Variants in CNBD1 observed in about 807,000 individuals in gnomAD.
CNBD1 encodes the protein cyclic nucleotide binding domain containing 1.
CNBD1 carries 71 observed loss-of-function variants against 54.4 expected under a neutral mutation model. The observed-to-expected ratio is 1.30, with a 90% confidence interval of 1.08 to 1.59. CNBD1 has a LOEUF of 1.59. Among genes scored for constraint, CNBD1 ranks in the 40% most tolerant of loss-of-function variants. CNBD1 has a pLI of 0.00. For synonymous variants in CNBD1, 182 were observed against 170.7 expected, an observed-to-expected ratio of 1.07 and a Z score of -0.51; for missense variants, 659 against 518.0, an observed-to-expected ratio of 1.27 and a Z score of -2.64.
intron 4 of CNBD1, among the ~76,000 whole-genome samples, chr8:87,150,953 A>C (rs1412475480): frequency 6.6e-6 from 1 of 152,200 alleles, no homozygotes; most frequent in Non-Finnish European, 1.5e-5. Context: ...TTCTAAAATA[A>C]ATGCTTTAGG....
At chr8:86,913,890 T>C (rs1230081309) in intron 3 of CNBD1, among the ~76,000 whole-genome samples, 1 of 152,140 alleles carries the variant, frequency 6.6e-6, no homozygotes, top group Admixed American at 6.5e-5. Context: ...GCAGCCATTT[T>C]AGAGGCCCCG....
intron 4 of CNBD1, among the ~76,000 whole-genome samples, chr8:87,009,883 G>A (rs1413590888): frequency 2.0e-5 from 3 of 152,110 alleles, no homozygotes; most frequent in Admixed American, 6.6e-5. Flanking sequence ...GTTCTTTAAA[G>A]ATGTCAGCCT....
At chr8:87,391,104 G>A (rs933488552) in intron 2 of CNBD1, among the ~76,000 whole-genome samples, 1 of 151,926 alleles carries the variant, frequency 6.6e-6, no homozygotes, top group Non-Finnish European at 1.5e-5. Context: ...GGTGGGGGAA[G>A]GGGGGAGGGA....
intron 8 of CNBD1, among the ~76,000 whole-genome samples, chr8:87,330,222 T>C (rs1348617154): frequency 1.5e-5 from 2 of 133,634 alleles, no homozygotes; most frequent in African/African-American, 6.0e-5. Context: ...TAATTTGTGT[T>C]CCTTCTCTCT....
At chr8:86,903,622 G>A (rs1187073952) in intron 2 of CNBD1, among the ~76,000 whole-genome samples, 1 of 151,948 alleles carries the variant, frequency 6.6e-6, no homozygotes, top group Non-Finnish European at 1.5e-5. Context: ...GTTTTCATTT[G>A]TACCGTATAT....
intron 4 of CNBD1, among the ~76,000 whole-genome samples, chr8:87,024,311 ATTTAT>A (rs1198752263): frequency 4.0e-5 from 6 of 151,044 alleles, no homozygotes; most frequent in Non-Finnish European, 5.9e-5. Context: ...GATTTTTAAA[ATTTAT>A]TTTATTTTAT....
intron 8 of CNBD1, among the ~76,000 whole-genome samples, chr8:87,331,324 G>T (rs1180908469): frequency 1.3e-5 from 2 of 152,120 alleles, no homozygotes; most frequent in Non-Finnish European, 2.9e-5. Flanking sequence ...TTGGTTTTCT[G>T]TACTTGTGTG....
intron 10 of CNBD1, among the ~76,000 whole-genome samples, chr8:87,361,962 G>C (rs1022377685): frequency 6.6e-6 from 1 of 151,956 alleles, no homozygotes; most frequent in Non-Finnish European, 1.5e-5. Context: ...CAGACTTATG[G>C]AAGCACTGAG....
chr8:87,308,864 A>T (rs976364764), intron 8 of CNBD1, among the ~76,000 whole-genome samples: 1 of 152,056 alleles, frequency 6.6e-6, no homozygotes, highest in Non-Finnish European at 1.5e-5. Context: ...TGCCTGTCTT[A>T]TTTCATTTAA....
intron 8 of CNBD1, among the ~76,000 whole-genome samples, chr8:87,333,997 C>T (rs1809890627): frequency 6.6e-6 from 1 of 152,018 alleles, no homozygotes; most frequent in Non-Finnish European, 1.5e-5. Flanking sequence ...CCATCTGGTC[C>T]TGGGTTTTTT....
intron 3 of CNBD1, among the ~76,000 whole-genome samples, chr8:86,932,515 A>G (rs184006288): frequency 1.3e-5 from 2 of 152,194 alleles, no homozygotes; most frequent in African/African-American, 4.8e-5. Flanking sequence ...TGTAGATTGC[A>G]AACTTTGCAT....
At chr8:87,062,019 C>T (rs1810558154) in intron 4 of CNBD1, among the ~76,000 whole-genome samples, 1 of 152,130 alleles carries the variant, frequency 6.6e-6, no homozygotes, top group African/African-American at 2.4e-5. Context: ...TGAGTACTCT[C>T]ATTAGTGACA....
chr8:87,281,858 C>T (rs1808608122), intron 6 of CNBD1, among the ~76,000 whole-genome samples: 2 of 151,004 alleles, frequency 1.3e-5, no homozygotes, highest in African/African-American at 4.8e-5. Context: ...TGGATAAAAA[C>T]CATGTGGTAT....
chr8:87,368,913 G>A (rs1810700150), intron 10 of CNBD1, among the ~76,000 whole-genome samples: 1 of 151,716 alleles, frequency 6.6e-6, no homozygotes, highest in Non-Finnish European at 1.5e-5. Flanking sequence ...TGTCAGATTC[G>A]GCTTCCCTCC....
chr8:87,387,248 C>A (rs944629340), downstream of CNBD1, among the ~76,000 whole-genome samples: 1 of 152,086 alleles, frequency 6.6e-6, no homozygotes, highest in Non-Finnish European at 1.5e-5. Context: ...CAAGTTCACA[C>A]ATAACAATAT....
At chr8:87,423,201 T>A (rs537774890) in intron 2 of CNBD1, among the ~76,000 whole-genome samples, 1 of 152,184 alleles carries the variant, frequency 6.6e-6, no homozygotes. Context: ...TTTCTAGATA[T>A]ACATTCATGT....
At chr8:87,141,638 T>C (rs1427907376) in intron 4 of CNBD1, among the ~76,000 whole-genome samples, 2 of 152,018 alleles carry the variant, frequency 1.3e-5, no homozygotes, top group Non-Finnish European at 1.5e-5. Flanking sequence ...TATTTTCAAA[T>C]AACAATAACT....
intron 4 of CNBD1, among the ~76,000 whole-genome samples, chr8:86,969,650 T>A (rs72663186): frequency 0.019 from 2,820 of 152,056 alleles, 35 homozygotes; most frequent in Non-Finnish European, 0.029. Flanking sequence ...TCACAAACTA[T>A]AAGGCTCAAT....
chr8:87,207,154 GACAA>G (rs1248569424), intron 5 of CNBD1, among the ~76,000 whole-genome samples: 21 of 152,032 alleles, frequency 1.4e-4, no homozygotes, highest in Non-Finnish European at 2.6e-4. Context: ...GGGAATAAAG[GACAA>G]ACATTCAACA....
Sources: gnomAD v4.1 joint callset for allele counts (sites outside exome capture counted in the v4.1 genomes callset) on GRCh38, gnomAD v4.1.1 for gene constraint, MANE v1.5 for transcripts, NCBI Gene and HGNC (gene_info 2026-07-23, HGNC 2026-07-21) for gene names.